PGCKA1: variants seen among roughly 807,000 people sequenced by gnomAD.
PGCKA1 encodes PDCD10 and GCKIII kinases-associated protein 1.
At chr4:37,503,138 A>T in the PGCKA1 span, among the ~76,000 whole-genome samples, 1 of 152,096 alleles carries the variant, frequency 6.6e-6, no homozygotes, top group African/African-American at 2.4e-5. Flanking sequence ...TGCCAACTGT[A>T]GTGTCTGTGA....
chr4:37,506,463 G>A, the PGCKA1 span, among the ~76,000 whole-genome samples: 1 of 151,470 alleles, frequency 6.6e-6, no homozygotes, highest in Non-Finnish European at 1.5e-5. Context: ...CTTTTGGTCT[G>A]TTGTGTTTCC....
the PGCKA1 span, among the ~76,000 whole-genome samples, chr4:37,488,330 T>G: frequency 1.3e-5 from 2 of 152,152 alleles, no homozygotes; most frequent in Non-Finnish European, 2.9e-5. Context: ...AATCAAGATT[T>G]GGAACATTGT....
At chr4:37,478,157 C>CACT in the PGCKA1 span, among the ~76,000 whole-genome samples, 1 of 147,636 alleles carries the variant, frequency 6.8e-6, no homozygotes, top group African/African-American at 2.5e-5. Context: ...CCCCCACCGC[C>CACT]ACTTACTTTG....
chr4:37,575,487 A>G, the PGCKA1 span, among the ~76,000 whole-genome samples: 1 of 151,512 alleles, frequency 6.6e-6, no homozygotes, highest in Non-Finnish European at 1.5e-5. Context: ...CTCCTTACAT[A>G]TTTTGGTTAT....
the PGCKA1 span, among the ~76,000 whole-genome samples, chr4:37,495,993 A>G: frequency 6.6e-6 from 1 of 152,200 alleles, no homozygotes; most frequent in Non-Finnish European, 1.5e-5. Flanking sequence ...TGTCAGATGC[A>G]TAGTTGGCAA....
At chr4:37,505,058 G>A in the PGCKA1 span, among the ~76,000 whole-genome samples, 1 of 152,138 alleles carries the variant, frequency 6.6e-6, no homozygotes, top group Non-Finnish European at 1.5e-5. Flanking sequence ...CTGTAGCTCT[G>A]TTGTATATGG....
the PGCKA1 span, among the ~76,000 whole-genome samples, chr4:37,564,382 T>C: frequency 2.7e-4 from 41 of 151,862 alleles, no homozygotes; most frequent in Non-Finnish European, 5.1e-4. Flanking sequence ...GCAAGACACA[T>C]ATTGCCAGCC....
the PGCKA1 span, among the ~76,000 whole-genome samples, chr4:37,506,750 T>C: frequency 6.6e-6 from 1 of 152,162 alleles, no homozygotes. Flanking sequence ...GAATGTATAT[T>C]CTGCAGCCAT....
At chr4:37,544,262 G>C in the PGCKA1 span, among the ~76,000 whole-genome samples, 92 of 152,192 alleles carry the variant, frequency 6.0e-4, no homozygotes, top group African/African-American at 2.2e-3. Flanking sequence ...TTCCCTGGGA[G>C]GCTACTGGAT....
At chr4:37,515,072 G>A in the PGCKA1 span, among the ~76,000 whole-genome samples, 12 of 152,288 alleles carry the variant, frequency 7.9e-5, no homozygotes, top group African/African-American at 2.9e-4. Flanking sequence ...AACCCTTAAT[G>A]TGATGGTCTT....
At chr4:37,578,020 T>C in the PGCKA1 span, among the ~76,000 whole-genome samples, 22,585 of 152,150 alleles carry the variant, frequency 0.15, 4,598 homozygotes, top group African/African-American at 0.46. Flanking sequence ...ATGTACATTC[T>C]ACAGCAGTTG....
chr4:37,556,401 G>A, the PGCKA1 span, among the ~76,000 whole-genome samples: 2 of 152,000 alleles, frequency 1.3e-5, no homozygotes, highest in Non-Finnish European at 2.9e-5. Context: ...CTGTGTAGCT[G>A]GGATTACAGG....
the PGCKA1 span, among the ~76,000 whole-genome samples, chr4:37,496,933 T>A: frequency 0.38 from 58,206 of 151,910 alleles, 11,504 homozygotes; most frequent in African/African-American, 0.46. Flanking sequence ...CTAGTGATTT[T>A]TTTTATTTTA....
the PGCKA1 span, among the ~76,000 whole-genome samples, chr4:37,492,090 G>A: frequency 1.3e-5 from 2 of 150,318 alleles, no homozygotes; most frequent in South Asian, 4.2e-4. The surrounding 1 kb of genome is among the most constrained non-coding windows in gnomAD (Gnocchi z 4.7). Flanking sequence ...CTACCAGGCT[G>A]GAGTGCAGTG....
chr4:37,541,728 A>G, the PGCKA1 span, among the ~76,000 whole-genome samples: 9 of 152,152 alleles, frequency 5.9e-5, no homozygotes, highest in African/African-American at 1.9e-4. Context: ...AGCCGATTCA[A>G]ATTCAGGAGT....
the PGCKA1 span, among the ~76,000 whole-genome samples, chr4:37,469,323 C>A: frequency 6.6e-6 from 1 of 152,226 alleles, no homozygotes. Flanking sequence ...TCTCCTCAGT[C>A]AGCTGTAAGT....
chr4:37,493,320 TTAA>T, the PGCKA1 span, among the ~76,000 whole-genome samples: 34 of 152,300 alleles, frequency 2.2e-4, no homozygotes, highest in South Asian at 6.0e-3. Context: ...ATTACAGTAT[TTAA>T]TAATATTTTT....
chr4:37,465,495 C>T, the PGCKA1 span, among the ~76,000 whole-genome samples: 4 of 151,860 alleles, frequency 2.6e-5, no homozygotes, highest in African/African-American at 4.8e-5. Flanking sequence ...GAGGGGAGGG[C>T]GAAGGGCATG....
At chr4:37,527,394 C>A in the PGCKA1 span, among the ~76,000 whole-genome samples, 1 of 152,192 alleles carries the variant, frequency 6.6e-6, no homozygotes, top group East Asian at 1.9e-4. Flanking sequence ...CAAACTCACT[C>A]ACTGACTCAC....
Sources: allele counts gnomAD v4.1 joint callset (sites outside exome capture counted in the v4.1 genomes callset), GRCh38; gene constraint gnomAD v4.1.1; non-coding constraint Gnocchi (gnomAD v3.1); transcripts MANE v1.5; gene names NCBI Gene and HGNC (gene_info 2026-07-23, HGNC 2026-07-21).